Variants in FRY observed in about 807,000 individuals in gnomAD.
FRY encodes the protein protein furry homolog.
In FRY, 128 loss-of-function variants were observed where a neutral mutation model predicts 348.4. That is an observed-to-expected ratio of 0.37 (90% CI 0.32 to 0.43). The LOEUF is 0.43. Ranked by LOEUF, FRY falls within the 20% of genes least tolerant of loss-of-function variation. FRY has a pLI of 1.00. For missense variants in FRY, 2,736 were observed against 3,695.2 expected (o/e 0.74, Z 6.73); for synonymous variants, 1,370 against 1,374.7 (o/e 1.00, Z 0.08).
chr13:32,264,200 A>G (rs1351997093), intron 53 of FRY, among the ~76,000 whole-genome samples: 1 of 152,210 alleles, frequency 6.6e-6, no homozygotes, highest in East Asian at 1.9e-4. Context: ...GTGTATGTAC[A>G]CTAATAACCT....
intron 56 of FRY, among the ~76,000 whole-genome samples, chr13:32,275,354 C>T (rs559384100): frequency 5.3e-5 from 8 of 152,196 alleles, no homozygotes; most frequent in African/African-American, 1.7e-4. Flanking sequence ...CACCACTGCA[C>T]TCCAGCCTGG....
intron 2 of FRY, 25 bp from the exon 3 acceptor site, chr13:32,101,938 T>C: frequency 8.0e-7 from 1 of 1,242,582 alleles, no homozygotes; most frequent in Non-Finnish European, 1.2e-6. Flanking sequence ...ATAATTATTC[T>C]TGCATATATT....
At chr13:32,077,709 GAA>G (rs2138524180) in intron 1 of FRY, among the ~76,000 whole-genome samples, 1 of 152,300 alleles carries the variant, frequency 6.6e-6, no homozygotes, top group African/African-American at 2.4e-5. Context: ...TTGTAGTTAT[GAA>G]AAGAGTATCC....
intron 1 of FRY, among the ~76,000 whole-genome samples, chr13:32,044,066 C>CA (rs1216991252): frequency 6.7e-6 from 1 of 149,704 alleles, no homozygotes; most frequent in African/African-American, 2.5e-5. Flanking sequence ...AAAATAAGAC[C>CA]AAAAAAAGAA....
Position 32,136,991 on chromosome 13 carries a change from A to C in FRY, c.1179+19A>C. The C allele has an allele frequency of 1.4e-5, 19 of 1,335,550 alleles. No individual in the cohort carries two copies. Among genetic ancestry groups the C allele is most frequent in the Non-Finnish European group, 1.9e-5 (18 of 925,410 alleles). 82.7% of individuals were successfully genotyped at this position (1,335,550 alleles called of 1,614,324 possible). ...CCTTAAAGTTAGTATTTGTCAGCTC[A>C]AAAACGATCTCTTTAAAAAATTTAC... is the stretch of plus-strand genomic sequence containing the variant. On this transcript the variant is annotated intron_variant, in intron 11 of 60. Transcript: ENST00000542859.
At chr13:32,222,423 C>A (rs1684253270) in intron 36 of FRY, among the ~76,000 whole-genome samples, 1 of 152,146 alleles carries the variant, frequency 6.6e-6, no homozygotes, top group Non-Finnish European at 1.5e-5. Context: ...ATTGGTCTGT[C>A]TGCTCTGTGG....
chr13:32,178,233 A>G lies in FRY; in HGVS notation c.2478A>G (p.Ala826=), dbSNP rs1396366636. ...VDLQWLVEWN[A]VLVNSHYDVK... ...TGCAGTGGTTGGTGGAATGGAACGC[A>G]GTCCTGGTCAATAGCCATTATGATG... Residue 826 remains alanine, a synonymous_variant, in exon 21 of 61, where the codon GCA becomes GCG. Coordinates refer to ENST00000542859, the MANE Select transcript of FRY (RefSeq NM_023037.3). 1 of 1,614,228 alleles carries G rather than the reference A, an allele frequency of 6.2e-7. No individual in the cohort carries two copies. The highest frequency in any genetic ancestry group is 1.1e-5 in the South Asian group (1 of 91,090).
chr13:32,130,873 T>C (rs1245324778), intron 7 of FRY, among the ~76,000 whole-genome samples: 1 of 151,586 alleles, frequency 6.6e-6, no homozygotes, highest in Non-Finnish European at 1.5e-5. Context: ...TGGAGTGCAA[T>C]GGCATGATCT....
chr13:32,228,419 C>G, intron 39 of FRY, 37 bp from the exon 40 acceptor site: 1 of 1,469,606 alleles, frequency 6.8e-7, no homozygotes, highest in African/African-American at 1.4e-5. Context: ...AAGCACACTG[C>G]CTAGTACATC....
At chr13:32,047,404 A>C (rs1238072600) in intron 1 of FRY, among the ~76,000 whole-genome samples, 1 of 152,216 alleles carries the variant, frequency 6.6e-6, no homozygotes, top group Non-Finnish European at 1.5e-5. Context: ...AGCAAAGTAC[A>C]TTTCTGGAAC....
intron 31 of FRY, among the ~76,000 whole-genome samples, chr13:32,208,145 C>T (rs1308810178): frequency 1.3e-5 from 2 of 151,614 alleles, no homozygotes; most frequent in African/African-American, 4.9e-5. Flanking sequence ...AGGGGACACA[C>T]AGCCCTTGGC....
chr13:32,134,863 C>T, intron 8 of FRY, 41 bp from the exon 9 acceptor site: 1 of 1,218,572 alleles, frequency 8.2e-7, no homozygotes, highest in Non-Finnish European at 1.2e-6. Flanking sequence ...GTGTACATTT[C>T]AACCTACTCT....
intron 3 of FRY, among the ~76,000 whole-genome samples, chr13:32,106,991 A>G (rs368794614): frequency 6.6e-6 from 1 of 152,124 alleles, no homozygotes; most frequent in South Asian, 2.1e-4. Context: ...TATATTTTAT[A>G]TTTTTACACT....
intron 2 of FRY, among the ~76,000 whole-genome samples, chr13:32,092,388 G>C (rs942747631): frequency 2.1e-4 from 32 of 152,178 alleles, no homozygotes; most frequent in African/African-American, 4.8e-5. Context: ...TCCTCCTAAA[G>C]ATTACAGAGA....
intron 23 of FRY, among the ~76,000 whole-genome samples, chr13:32,181,027 A>G (rs538876418): frequency 6.6e-6 from 1 of 152,022 alleles, no homozygotes; most frequent in East Asian, 2.0e-4. Flanking sequence ...AGTAGCTGGG[A>G]TTACAGGCAC....
In FRY at chr13:32,178,394, C is replaced by T. The variant is rs1170004807; in HGVS notation, c.2639C>T (p.Ala880Val). 2 of 1,614,138 alleles carry T rather than the reference C, an allele frequency of 1.2e-6. No individual in the cohort carries two copies. Among genetic ancestry groups the T allele is most frequent in the East Asian group, 4.5e-5 (2 of 44,878 alleles). Reference protein sequence around the residue: ...PTALSYAWPYAFTRLQSVMPL... With the variant: ...PTALSYAWPYVFTRLQSVMPL... ...GCCCTCAGCTATGCCTGGCCTTATG[C>T]CTTCACTCGGCTCCAGTCGGTGATG... Residue 880 changes from alanine to valine, a missense_variant, in exon 21 of 61, where the codon GCC becomes GTC. Physicochemically the swap from Ala to Val is moderately conservative, Grantham distance 64. Around this residue, in one of 9 missense-constraint regions of FRY, gnomAD observed 449 missense variants for 576.9 expected, o/e 0.78. Coordinates refer to ENST00000542859, the MANE Select transcript of FRY (RefSeq NM_023037.3).
rs766756264 is a variant in FRY, at chr13:32,261,787, G to A, written c.7588G>A (p.Ala2530Thr). ...DESSEEEDLT[A>T]SQILEHSDLI... ...ATCATCCGAGGAGGAGGACCTCACA[G>A]CCAGCCAGATCCTGGAGCACTCAGA... Residue 2530 changes from alanine to threonine, a missense_variant, in exon 52 of 61, where the codon GCC becomes ACC. Transcript: ENST00000542859. 2.9e-5 allele frequency: 47 copies of A among 1,614,074 alleles called. No homozygotes were observed. The highest frequency in any genetic ancestry group is 3.8e-5 in the Non-Finnish European group (45 of 1,180,028).
chr13:32,225,666 T>C, intron 38 of FRY, 123 bp from the exon 39 acceptor site: 1 of 852,956 alleles, frequency 1.2e-6, no homozygotes, highest in Non-Finnish European at 2.0e-6. Flanking sequence ...ACCCAAACAA[T>C]AACAAAGAAA....
In FRY at chr13:32,134,513, G is replaced by A. The variant is rs151159992; in HGVS notation, c.886-391G>A. ...CTCTTCCCATGTTTACCTTCCCTGG[G>A]GATCTGTGTTTGTGGGCTAACTAGG... On this transcript the variant is annotated intron_variant, in intron 8 of 60. Transcript: ENST00000542859. 2.4e-4 allele frequency among the ~76,000 whole-genome samples: 37 copies of A among 152,304 alleles called. No homozygotes were observed. The East Asian group carries it at 6.9e-3, about 29-fold the overall frequency.
Sources: allele counts gnomAD v4.1 joint callset (sites outside exome capture counted in the v4.1 genomes callset), GRCh38; gene constraint gnomAD v4.1.1; regional missense constraint gnomAD v4.1.1; transcripts MANE v1.5; gene names NCBI Gene and HGNC (gene_info 2026-07-23, HGNC 2026-07-21).